TNPO2: variants seen among roughly 807,000 people sequenced by gnomAD.
TNPO2 encodes transportin-2.
In TNPO2, 16 loss-of-function variants were observed where a neutral mutation model predicts 111.1. The ratio of observed to expected loss-of-function variants is 0.14; its 90% confidence interval spans 0.10 to 0.22. TNPO2 has a LOEUF of 0.22. TNPO2 is among the 10% of genes least tolerant of loss of function. TNPO2 has a pLI of 1.00. For missense variants in TNPO2, 530 were observed against 1,173.7 expected (o/e 0.45, Z 8.01); for synonymous variants, 481 against 475.8 (o/e 1.01, Z -0.14).
chr19:12,706,921 C>A lies in TNPO2; in HGVS notation c.1271-126G>T. 3 of 796,752 alleles carry A rather than the reference C, an allele frequency of 3.8e-6. No individual in the cohort carries two copies. The East Asian group carries it at 8.1e-5, about 21-fold the overall frequency. 49.4% of individuals were successfully genotyped at this position (796,752 alleles called of 1,614,324 possible). On this transcript the variant is annotated intron_variant, in intron 13 of 25. Coordinates refer to ENST00000425528, the MANE Select transcript of TNPO2 (RefSeq NM_001382241.1). The surrounding 1 kb of genome is among the most constrained non-coding windows in gnomAD (Gnocchi z 7.0). ...AGGCTTAGAGTTTAAATCACTGGCC[C>A]AGACTCATTTCACAGAGCCAGGTAA...
chr19:12,718,613 A>G (rs1362548808), intron 5 of TNPO2, among the ~76,000 whole-genome samples: 1 of 152,162 alleles, frequency 6.6e-6, no homozygotes, highest in African/African-American at 2.4e-5. Flanking sequence ...ATCTTTCTGT[A>G]ACTTCCTCAG....
At chr19:12,717,574 G>A (rs892573663) in intron 5 of TNPO2, among the ~76,000 whole-genome samples, 1 of 151,810 alleles carries the variant, frequency 6.6e-6, no homozygotes, top group Non-Finnish European at 1.5e-5. Context: ...GCTCAGCCTG[G>A]ATCAGTAAGT....
intron 18 of TNPO2, among the ~76,000 whole-genome samples, chr19:12,704,695 T>C (rs2025532384): frequency 6.6e-6 from 1 of 152,170 alleles, no homozygotes; most frequent in Non-Finnish European, 1.5e-5. Context: ...TCTTTCTTTT[T>C]TTTTGAAGAC....
Position 12,719,207 on chromosome 19 carries a change from G to A in TNPO2, c.176-29C>T, listed in dbSNP as rs1057211719. ...GGAGGAGGAAGGCTGAGGTTCAGGG[G>A]CCCAGGGGGAGAAAGCAGGGTCCCG... is the stretch of plus-strand genomic sequence containing the variant. On this transcript the variant is annotated intron_variant, in intron 4 of 25. Transcript: ENST00000425528. The surrounding 1 kb of genome is among the most constrained non-coding windows in gnomAD (Gnocchi z 5.0). The A allele has an allele frequency of 5.0e-6, 8 of 1,613,766 alleles. No homozygotes were observed. The highest frequency in any genetic ancestry group is 3.3e-5 in the Admixed American group (2 of 59,992).
At chr19:12,716,355 G>A (rs1005252839) in intron 5 of TNPO2, among the ~76,000 whole-genome samples, 4 of 151,362 alleles carry the variant, frequency 2.6e-5, no homozygotes, top group African/African-American at 9.7e-5. Context: ...CCGTGCATGG[G>A]TGGCTCATGC....
rs56817777 is a variant in TNPO2 at position 12,707,479 on chromosome 19, C to CTT, written c.1271-686_1271-685dup. On this transcript the variant is annotated intron_variant, in intron 13 of 25. Coordinates refer to ENST00000425528, the MANE Select transcript of TNPO2 (RefSeq NM_001382241.1). ...AGTTCTTAAGATGTTTGTGAGTTTTCTTTTTTTTTTTTTTTTTTTTTTTTT... is the reference window on the plus strand; with the variant it reads ...AGTTCTTAAGATGTTTGTGAGTTTTCTTTTTTTTTTTTTTTTTTTTTTTTTTT... 3.8e-3 allele frequency among the ~76,000 whole-genome samples: 282 copies of CTT among 75,024 alleles called. 25 individuals carry two copies. The highest frequency in any genetic ancestry group is 0.012 in the African/African-American group (216 of 18,684). 49.2% of individuals were successfully genotyped at this position (75,024 alleles called of 152,430 possible). A position where few individuals can be genotyped will look rare whatever the true frequency, so the allele number is the denominator to read the frequency against.
At position 12,721,610 on chromosome 19, in the gene TNPO2, C is replaced by T. The variant is rs1966954705; in HGVS notation, c.-13-620G>A. The T allele has an allele frequency of 3.7e-6, 1 of 273,450 alleles. No homozygotes were observed. Among genetic ancestry groups the T allele is most frequent in the Non-Finnish European group, 7.2e-6 (1 of 138,684 alleles). 16.9% of individuals were successfully genotyped at this position (273,450 alleles called of 1,614,324 possible). On this transcript the variant is annotated intron_variant, in intron 2 of 25. Coordinates refer to ENST00000425528, the MANE Select transcript of TNPO2 (RefSeq NM_001382241.1). The surrounding 1 kb of genome is among the most constrained non-coding windows in gnomAD (Gnocchi z 4.9). ...AAGCTCAGTGGATGCCAGATATCCCCCTCTGTGGCCTAGCCAAATTCTAAG... is the reference window on the plus strand; with the variant it reads ...AAGCTCAGTGGATGCCAGATATCCCTCTCTGTGGCCTAGCCAAATTCTAAG...
At chr19:12,710,973 C>A (rs949488237) in intron 12 of TNPO2, among the ~76,000 whole-genome samples, 200 bp from the exon 13 acceptor site, 2 of 152,180 alleles carry the variant, frequency 1.3e-5, no homozygotes, top group Non-Finnish European at 2.9e-5. Context: ...CGGCTCACTG[C>A]AAGCTCCGCC....
chr19:12,701,975 G>T lies in TNPO2; in HGVS notation c.2411+97C>A. ...ATCTGTGGGGGTGGGGCAGGGCAGG[G>T]AGTCAGTAGGCAGATGGGGCTGGAA... On this transcript the variant is annotated intron_variant, in intron 22 of 25. Coordinates refer to ENST00000425528, the MANE Select transcript of TNPO2 (RefSeq NM_001382241.1). This position sits in a 1 kb window ranked among gnomAD's most constrained non-coding sequence, Gnocchi z 5.0. The T allele has an allele frequency of 7.1e-7, 1 of 1,416,400 alleles. No individual in the cohort carries two copies. The highest frequency in any genetic ancestry group is 2.3e-5 in the East Asian group (1 of 43,724). The allele number at this position is 1,416,400 out of a possible 1,614,324, so 87.7% of individuals were successfully genotyped here.
chr19:12,711,257 C>A, intron 12 of TNPO2, 39 bp downstream of exon 12: 1 of 1,601,050 alleles, frequency 6.2e-7, no homozygotes, highest in Non-Finnish European at 8.5e-7. Flanking sequence ...GAGTCCAGGG[C>A]TTGCCACCCC....
At chr19:12,711,271 A>ACCACCC in intron 12 of TNPO2, 25 bp downstream of exon 12, 1 of 1,606,380 alleles carries the variant, frequency 6.2e-7, no homozygotes, top group Non-Finnish European at 8.5e-7. Flanking sequence ...CCACCCCACC[A>ACCACCC]CCACCCCCAG....
At chr19:12,708,795 C>T (rs865843975) in intron 13 of TNPO2, among the ~76,000 whole-genome samples, 15 of 151,686 alleles carry the variant, frequency 9.9e-5, no homozygotes, top group Middle Eastern at 3.4e-3. Flanking sequence ...CTCTGGAACT[C>T]GGGAGGCAGA....
At position 12,720,902 on chromosome 19, in the gene TNPO2, CTG is replaced by C; in HGVS notation, c.74_75del (p.Thr25SerfsTer9). On this transcript the variant is annotated frameshift_variant, in exon 3 of 26. Coordinates refer to ENST00000425528, the MANE Select transcript of TNPO2 (RefSeq NM_001382241.1). LOFTEE classifies it high-confidence loss of function. Reference protein sequence around the residue: ...QLLKDSQSPNTATQRIVQDKL... With the variant: ...QLLKDSQSPNXATQRIVQDKL... ...ACATCCTGCACGATGCGCTGAGTGG[CTG>C]TGTTGGGCGACTGTGAGTCTTTGAG... 6.2e-7 allele frequency: 1 copy of C among 1,604,780 alleles called. No homozygotes were observed. Among genetic ancestry groups the C allele is most frequent in the Non-Finnish European group, 8.5e-7 (1 of 1,176,464 alleles).
At chr19:12,723,072 AAG>A (rs1967110267) in intron 2 of TNPO2, among the ~76,000 whole-genome samples, 175 bp downstream of exon 2, 1 of 152,204 alleles carries the variant, frequency 6.6e-6, no homozygotes, top group South Asian at 2.1e-4. Flanking sequence ...AGGACAAAGT[AAG>A]TGCCTGAGAC....
intron 13 of TNPO2, among the ~76,000 whole-genome samples, chr19:12,708,699 C>T (rs1408376089): frequency 6.6e-6 from 1 of 151,804 alleles, no homozygotes; most frequent in African/African-American, 2.4e-5. Context: ...AAAGAAACCC[C>T]GTCTCTGCTA....
rs767997823 is a variant in TNPO2, at chr19:12,702,197, C to T, written c.2306-20G>A. ...GGCGACCTGCAACCCCGAGCGGCCCCGGGACGGTACGTGGCGGGGCCTCTG... is the reference window on the plus strand; with the variant it reads ...GGCGACCTGCAACCCCGAGCGGCCCTGGGACGGTACGTGGCGGGGCCTCTG... On this transcript the variant is annotated intron_variant, in intron 21 of 25. Transcript: ENST00000425528. The surrounding 1 kb of genome is among the most constrained non-coding windows in gnomAD (Gnocchi z 5.5). 36 of 1,605,126 alleles carry T rather than the reference C, an allele frequency of 2.2e-5. No homozygotes were observed. The highest frequency in any genetic ancestry group is 2.6e-5 in the Non-Finnish European group (31 of 1,174,966).
intron 10 of TNPO2, among the ~76,000 whole-genome samples, chr19:12,712,238 A>C (rs1476193994): frequency 6.6e-6 from 1 of 152,226 alleles, no homozygotes; most frequent in Non-Finnish European, 1.5e-5. Flanking sequence ...TGACGCCAGC[A>C]TCTGGGAAGA....
In TNPO2 at chr19:12,710,729, G is replaced by A. The variant is rs750771819; in HGVS notation, c.1162C>T (p.Arg388Trp). The change falls in exon 13 of 26, where the codon CGG becomes TGG. Residue 388 changes from arginine to tryptophan, a missense_variant. Arg to Trp is a moderately radical substitution (Grantham distance 101, BLOSUM62 -3). Around this residue, in one of 4 missense-constraint regions of TNPO2, gnomAD observed 88 missense variants for 130.2 expected, o/e 0.68. Transcript: ENST00000425528. ...AGTAGGTGGGGCAGCAGTTCCTCCC[G>A]GAAGACATTGGCGAGGACGTCCAGT... The part of the protein sequence containing the change: ...AALDVLANVF[R>W]EELLPHLLPL... 3 of 1,613,254 alleles carry A rather than the reference G, an allele frequency of 1.9e-6. No homozygotes were observed. Among genetic ancestry groups the A allele is most frequent in the Non-Finnish European group, 2.5e-6 (3 of 1,179,674 alleles).
In TNPO2 at chr19:12,715,726, G is replaced by C; in HGVS notation, c.339C>G (p.Thr113=). 2.5e-6 allele frequency: 4 copies of C among 1,611,922 alleles called. No individual in the cohort carries two copies. The highest frequency in any genetic ancestry group is 3.4e-6 in the Non-Finnish European group (4 of 1,179,236). ...LIRATIGILI[T]TIASKGELQM... is the part of the protein sequence containing the mutation. ...GCAGCTCACCCTTGGAAGCGATGGT[G>C]GTGATGAGAATGCCTGGGGCGGCCG... The change falls in exon 6 of 26, where the codon ACC becomes ACG. Residue 113 remains threonine (T), a synonymous_variant. Coordinates refer to ENST00000425528, the MANE Select transcript of TNPO2 (RefSeq NM_001382241.1). This position sits in a 1 kb window ranked among gnomAD's most constrained non-coding sequence, Gnocchi z 7.1.
Sources: gnomAD v4.1 joint callset for allele counts (sites outside exome capture counted in the v4.1 genomes callset) on GRCh38, gnomAD v4.1.1 for gene constraint, gnomAD v4.1.1 regional missense constraint, Gnocchi (gnomAD v3.1) non-coding constraint, MANE v1.5 for transcripts, NCBI Gene and HGNC (gene_info 2026-07-23, HGNC 2026-07-21) for gene names.